The following GPC5 variants were observed in gnomAD, a reference collection of about 807,000 sequenced individuals.
GPC5 encodes glypican-5.
In GPC5, 47 loss-of-function variants were observed where a neutral mutation model predicts 53.9. The observed-to-expected ratio is 0.87, with a 90% CI of 0.69 to 1.11. The LOEUF is 1.11. Ranked by LOEUF, GPC5 falls within the 50% of genes most tolerant of loss-of-function variation. The probability of loss-of-function intolerance (pLI) is 0.00; values close to 1 mark genes in which losing one functional copy is unlikely to be tolerated. For synonymous variants in GPC5, 286 were observed against 263.3 expected (o/e 1.09, Z -0.84); for missense variants, 748 against 713.1 (o/e 1.05, Z -0.56).
At chr13:91,463,543 T>A (rs1173481693) in intron 2 of GPC5, among the ~76,000 whole-genome samples, 2 of 152,098 alleles carry the variant, frequency 1.3e-5, no homozygotes, top group African/African-American at 4.8e-5. Flanking sequence ...TCACTTTACC[T>A]AATAATAAGG....
intron 7 of GPC5, among the ~76,000 whole-genome samples, chr13:92,264,770 C>A (rs777064388): frequency 4.0e-5 from 6 of 151,322 alleles, no homozygotes; most frequent in Non-Finnish European, 8.8e-5. Flanking sequence ...AGCTCAATAG[C>A]AACATGTTCA....
intron 7 of GPC5, among the ~76,000 whole-genome samples, chr13:92,292,601 T>G (rs2043005731): frequency 6.6e-6 from 1 of 152,154 alleles, no homozygotes; most frequent in African/African-American, 2.4e-5. Context: ...TTGTGAAGGT[T>G]TTTTTCCCAC....
rs187907630 is a variant in GPC5, at chr13:92,004,262, T to C, written c.1401+96205T>C. Among the ~76,000 whole-genome samples the C allele has an allele frequency of 4.8e-3, 726 of 151,354 alleles. 11 individuals carry two copies. Among genetic ancestry groups the C allele is most frequent in the African/African-American group, 0.017 (700 of 41,242 alleles). ...GAGATGGAGACCATCCTGGCCAACA[T>C]GGTGAAACCCTGTCTCTACTAAAAA... On this transcript the variant is annotated intron_variant, in intron 6 of 7. Coordinates refer to ENST00000377067, the MANE Select transcript of GPC5 (RefSeq NM_004466.6).
At chr13:91,839,143 G>T (rs2138868569) in intron 5 of GPC5, among the ~76,000 whole-genome samples, 1 of 152,082 alleles carries the variant, frequency 6.6e-6, no homozygotes, top group African/African-American at 2.4e-5. Context: ...ATATGCTTTT[G>T]CCAAATTGAT....
intron 2 of GPC5, among the ~76,000 whole-genome samples, chr13:91,613,069 A>G (rs983502833): frequency 5.9e-5 from 9 of 152,220 alleles, no homozygotes; most frequent in African/African-American, 2.2e-4. Flanking sequence ...TTTTATGTAT[A>G]AAATGGGAAT....
At chr13:92,741,838 T>G (rs1889105751) in intron 7 of GPC5, among the ~76,000 whole-genome samples, 1 of 152,098 alleles carries the variant, frequency 6.6e-6, no homozygotes, top group South Asian at 2.1e-4. Flanking sequence ...CACGCGGTGT[T>G]TGGTTTTTTT....
chr13:92,752,796 G>T (rs1749789357), intron 7 of GPC5, among the ~76,000 whole-genome samples: 1 of 152,142 alleles, frequency 6.6e-6, no homozygotes, highest in African/African-American at 2.4e-5. Context: ...TTAAAAAACA[G>T]CGCACCACGA....
rs9556158 is a variant in GPC5 at position 92,171,279 on chromosome 13, G to C, written c.1561+26290G>C. On this transcript the variant is annotated intron_variant, in intron 7 of 7. Transcript: ENST00000377067. ...TTATAAATTGTCCATTTTTGCCTCTGTATCTTCAAACTCTTCCTGCAATAA... is the reference window on the plus strand; with the variant it reads ...TTATAAATTGTCCATTTTTGCCTCTCTATCTTCAAACTCTTCCTGCAATAA... Among the ~76,000 whole-genome samples the C allele has an allele frequency of 4.2e-3, 637 of 152,170 alleles. 25 individuals carry two copies. In the East Asian group the frequency reaches 0.1, roughly 25 times the overall value.
chr13:92,152,141 G>T (rs915417780), intron 7 of GPC5, among the ~76,000 whole-genome samples: 7 of 152,098 alleles, frequency 4.6e-5, no homozygotes, highest in Non-Finnish European at 2.9e-5. Flanking sequence ...TTGATTTTTT[G>T]AATACACAAG....
At chr13:92,239,383 C>T (rs925225393) in intron 7 of GPC5, among the ~76,000 whole-genome samples, 6 of 151,892 alleles carry the variant, frequency 4.0e-5, no homozygotes, top group African/African-American at 1.2e-4. Flanking sequence ...AATAAAACAA[C>T]ATTACTTATT....
chr13:91,825,913 G>A (rs1054050399), intron 5 of GPC5, among the ~76,000 whole-genome samples: 14 of 152,072 alleles, frequency 9.2e-5, no homozygotes, highest in Admixed American at 9.2e-4. Flanking sequence ...GTACTTACAT[G>A]AGGGAAGCTC....
intron 7 of GPC5, among the ~76,000 whole-genome samples, chr13:92,527,265 AAGAAAGAAAG>A: frequency 7.6e-6 from 1 of 132,268 alleles, no homozygotes; most frequent in Non-Finnish European, 1.6e-5. Context: ...GAAAGAAAGA[AAGAAAGAAAG>A]AAAGAAAAAG....
intron 7 of GPC5, chr13:92,509,670 G>A (rs968245889): frequency 1.3e-5 from 2 of 152,048 alleles, no homozygotes; most frequent in African/African-American, 4.8e-5. Context: ...ATCCAAGGAA[G>A]ACAGAAATAA....
intron 7 of GPC5, among the ~76,000 whole-genome samples, chr13:92,444,236 G>C (rs1032329431): frequency 6.6e-6 from 1 of 152,156 alleles, no homozygotes; most frequent in African/African-American, 2.4e-5. Flanking sequence ...AGGGATATTA[G>C]TTCAATAGAT....
At chr13:91,898,569 T>A (rs2039466743) in intron 5 of GPC5, among the ~76,000 whole-genome samples, 1 of 152,140 alleles carries the variant, frequency 6.6e-6, no homozygotes, top group Non-Finnish European at 1.5e-5. Context: ...AAGTACAAAA[T>A]GATGAAATAA....
chr13:92,613,101 G>C (rs1410382274), intron 7 of GPC5, among the ~76,000 whole-genome samples: 2 of 150,190 alleles, frequency 1.3e-5, no homozygotes, highest in Non-Finnish European at 3.0e-5. Flanking sequence ...ATTAAGGAAG[G>C]CTTTATAGAA....
At chr13:92,138,274 A>C (rs1233542402) in intron 6 of GPC5, among the ~76,000 whole-genome samples, 1 of 152,138 alleles carries the variant, frequency 6.6e-6, no homozygotes, top group Non-Finnish European at 1.5e-5. Context: ...TAATCCCAGC[A>C]CTTTGGGATG....
At chr13:92,383,621 C>A (rs2043768454) in intron 7 of GPC5, among the ~76,000 whole-genome samples, 1 of 152,138 alleles carries the variant, frequency 6.6e-6, no homozygotes, top group African/African-American at 2.4e-5. Context: ...AATGCTGGAA[C>A]AAACAGTTTT....
chr13:92,437,782 A>T (rs1041782246), intron 7 of GPC5, among the ~76,000 whole-genome samples: 2 of 152,074 alleles, frequency 1.3e-5, no homozygotes, highest in Non-Finnish European at 2.9e-5. Flanking sequence ...AACAAGCTGA[A>T]CTCTGATTGG....
Sources: gnomAD v4.1 joint callset for allele counts (sites outside exome capture counted in the v4.1 genomes callset) on GRCh38, gnomAD v4.1.1 for gene constraint, MANE v1.5 for transcripts, NCBI Gene and HGNC (gene_info 2026-07-23, HGNC 2026-07-21) for gene names.